Variants in PPP4R2 observed in about 807,000 individuals in gnomAD.
PPP4R2 encodes the protein protein phosphatase 4 regulatory subunit 2.
In PPP4R2, 13 loss-of-function variants were observed where a neutral mutation model predicts 47.2. The observed-to-expected ratio is 0.28, with a 90% CI of 0.18 to 0.44. PPP4R2 has a LOEUF of 0.44. Ranked by LOEUF, PPP4R2 falls within the 20% of genes least tolerant of loss-of-function variation. PPP4R2 has a pLI of 1.00. For missense variants in PPP4R2, 421 were observed against 491.2 expected, an observed-to-expected ratio of 0.86 and a Z score of 1.35; for synonymous variants, 151 against 163.3, an observed-to-expected ratio of 0.92 and a Z score of 0.57.
chr3:73,063,123 A>T (rs1344230496), intron 5 of PPP4R2: 8 of 531,028 alleles, frequency 1.5e-5, no homozygotes, highest in Non-Finnish European at 2.7e-5. Flanking sequence ...TCCCAAACTT[A>T]GCAACAGCGG....
intron 5 of PPP4R2, chr3:73,062,646 CT>C: frequency 1.2e-6 from 2 of 1,613,960 alleles, no homozygotes; most frequent in South Asian, 2.2e-5. Flanking sequence ...CTGCTGTGAC[CT>C]TTTGATAGGC....
At chr3:73,007,828 T>C (rs1241071286) in intron 2 of PPP4R2, among the ~76,000 whole-genome samples, 1 of 152,166 alleles carries the variant, frequency 6.6e-6, no homozygotes, top group Non-Finnish European at 1.5e-5. Flanking sequence ...TTTTATTTTG[T>C]CTAACGTAGT....
chr3:73,040,101 G>A (rs1290935318), intron 2 of PPP4R2, among the ~76,000 whole-genome samples: 1 of 152,070 alleles, frequency 6.6e-6, no homozygotes, highest in African/African-American at 2.4e-5. Flanking sequence ...AGAAGCCCTG[G>A]GATGAGGGAT....
chr3:73,047,108 A>G (rs1702501830), intron 2 of PPP4R2, 78 bp from the exon 3 acceptor site: 2 of 790,082 alleles, frequency 2.5e-6, no homozygotes, highest in East Asian at 5.4e-5. Flanking sequence ...GTGTCATAGT[A>G]TATTTTATAT....
At chr3:72,998,659 T>C (rs1701401115) in intron 2 of PPP4R2, among the ~76,000 whole-genome samples, 1 of 152,244 alleles carries the variant, frequency 6.6e-6, no homozygotes. Context: ...AAATTCCAGA[T>C]GCTACAGTTT....
intron 2 of PPP4R2, among the ~76,000 whole-genome samples, chr3:73,002,634 CTTTTTTTTTT>C (rs1173734970): frequency 1.5e-4 from 6 of 41,166 alleles, no homozygotes; most frequent in East Asian, 7.4e-4. Flanking sequence ...CTTTTCTTTT[CTTTTTTTTTT>C]TTTTTTTTTT....
At chr3:73,014,863 T>C (rs1464511288) in intron 2 of PPP4R2, 4 of 492,032 alleles carry the variant, frequency 8.1e-6, no homozygotes, top group Non-Finnish European at 1.5e-5. Flanking sequence ...TTGGAATCCT[T>C]GTGTATTTAT....
chr3:73,054,818 C>G (rs573779690), intron 3 of PPP4R2, among the ~76,000 whole-genome samples: 2 of 152,104 alleles, frequency 1.3e-5, no homozygotes, highest in African/African-American at 4.8e-5. Flanking sequence ...CAACTTAGTA[C>G]TTTTATAGAA....
At chr3:73,051,003 C>T (rs11128306) in intron 3 of PPP4R2, among the ~76,000 whole-genome samples, 80,175 of 152,066 alleles carry the variant, frequency 0.53, 21,506 homozygotes, top group African/African-American at 0.62. Flanking sequence ...CATCCTCCCC[C>T]TCCTGGGTTC....
chr3:73,018,407 CGTTATGTTATGTTATGTTAT>C (rs11282207), intron 2 of PPP4R2, among the ~76,000 whole-genome samples: 1 of 96,028 alleles, frequency 1.0e-5, no homozygotes, highest in Admixed American at 9.6e-5. Flanking sequence ...CTGTCATAGT[CGTTATGTTATGTTATGTTAT>C]GTTATGTTAT....
intron 5 of PPP4R2, chr3:73,062,946 T>C: frequency 6.5e-7 from 1 of 1,542,656 alleles, no homozygotes; most frequent in Non-Finnish European, 8.9e-7. Flanking sequence ...TGTGAGAATG[T>C]TTCTAGATCA....
At position 73,003,217 on chromosome 3, in the gene PPP4R2, G is replaced by GT. The variant is rs11296236; in HGVS notation, c.116+5071dup. On this transcript the variant is annotated intron_variant, in intron 2 of 8. Coordinates refer to ENST00000356692, the MANE Select transcript of PPP4R2 (RefSeq NM_174907.4). ...TTGCTATTACGTAACTTTCCCTTTT[G>GT]TTTTTTTTTTTTGAGACAGAGTCTC... is the stretch of plus-strand genomic sequence containing the variant. Among the ~76,000 whole-genome samples the GT allele has an allele frequency of 8.9e-3, 1,254 of 140,826 alleles. 19 individuals are homozygous for GT. The highest frequency in any genetic ancestry group is 0.024 in the Admixed American group (337 of 14,098). The allele number at this position is 140,826 out of a possible 152,430, so 92.4% of individuals were successfully genotyped here. A position where few individuals can be genotyped will look rare whatever the true frequency, so the allele number is the denominator to read the frequency against.
intron 5 of PPP4R2, chr3:73,063,433 G>A: frequency 2.7e-6 from 1 of 377,218 alleles, no homozygotes; most frequent in South Asian, 2.9e-5. Context: ...AGGCTAGCCT[G>A]GCCAACATGG....
intron 2 of PPP4R2, among the ~76,000 whole-genome samples, chr3:73,022,702 A>G (rs751724087): frequency 6.6e-6 from 1 of 152,074 alleles, no homozygotes; most frequent in East Asian, 1.9e-4. Flanking sequence ...CCACATTTTA[A>G]TATCTCTGAA....
At chr3:73,017,417 C>T (rs1290352796) in intron 2 of PPP4R2, among the ~76,000 whole-genome samples, 8 of 152,294 alleles carry the variant, frequency 5.3e-5, no homozygotes, top group South Asian at 4.1e-4. Context: ...GATACACCAA[C>T]CAGTCTTCAG....
intron 3 of PPP4R2, among the ~76,000 whole-genome samples, chr3:73,057,199 T>G (rs960945793): frequency 1.3e-5 from 2 of 152,126 alleles, no homozygotes; most frequent in African/African-American, 4.8e-5. Flanking sequence ...TAATACTGTT[T>G]GTTATACATG....
intron 2 of PPP4R2, among the ~76,000 whole-genome samples, chr3:73,006,255 A>G (rs1339946846): frequency 7.0e-6 from 1 of 142,150 alleles, no homozygotes; most frequent in East Asian, 2.1e-4. Flanking sequence ...GCTGGAATAC[A>G]GTGGTATGAT....
chr3:73,021,715 T>C (rs1701962502), intron 2 of PPP4R2, among the ~76,000 whole-genome samples: 1 of 152,106 alleles, frequency 6.6e-6, no homozygotes, highest in South Asian at 2.1e-4. Flanking sequence ...ATCACTTAAG[T>C]CAACAAATAT....
intron 2 of PPP4R2, among the ~76,000 whole-genome samples, chr3:73,043,765 T>C (rs1158933600): frequency 1.3e-5 from 2 of 152,250 alleles, no homozygotes; most frequent in Non-Finnish European, 2.9e-5. Flanking sequence ...ATATACCTAA[T>C]GTAAACCTTA....
Sources: allele counts gnomAD v4.1 joint callset (sites outside exome capture counted in the v4.1 genomes callset), GRCh38; gene constraint gnomAD v4.1.1; transcripts MANE v1.5; gene names NCBI Gene and HGNC (gene_info 2026-07-23, HGNC 2026-07-21).